The following DAZL variants were observed in gnomAD, a reference collection of about 807,000 sequenced individuals.
The protein encoded by DAZL is deleted in azoospermia like.
In DAZL, 4 loss-of-function variants were observed where a neutral mutation model predicts 45.0. The observed-to-expected ratio is 0.09, with a 90% CI of 0.04 to 0.20. DAZL has a LOEUF of 0.20. Among genes scored for constraint, DAZL ranks in the 10% least tolerant of loss-of-function variants. The pLI is 1.00. For synonymous variants in DAZL, 122 were observed against 112.4 expected (o/e 1.09, Z -0.54); for missense variants, 326 against 351.3 (o/e 0.93, Z 0.58).
At chr3:16,596,211 A>G (rs1694597644) in intron 6 of DAZL, among the ~76,000 whole-genome samples, 1 of 152,120 alleles carries the variant, frequency 6.6e-6, no homozygotes, top group South Asian at 2.1e-4. Flanking sequence ...ATTTACCACC[A>G]GTAAGTGATA....
At chr3:16,598,853 G>A (rs1417514508) in intron 1 of DAZL, among the ~76,000 whole-genome samples, 2 of 150,098 alleles carry the variant, frequency 1.3e-5, no homozygotes, top group East Asian at 2.0e-4. Flanking sequence ...GCGTGATCTC[G>A]GCTCACTGCA....
chr3:16,604,277 C>T (rs1057056723), intron 1 of DAZL, among the ~76,000 whole-genome samples: 3 of 152,106 alleles, frequency 2.0e-5, no homozygotes, highest in South Asian at 4.1e-4. Flanking sequence ...CTTGTGGTGG[C>T]GCTGAAGCAA....
At chr3:16,593,228 T>C (rs1489034927) in intron 9 of DAZL, among the ~76,000 whole-genome samples, 3 of 152,244 alleles carry the variant, frequency 2.0e-5, no homozygotes, top group Admixed American at 6.5e-5. Flanking sequence ...TTTTAAAAAT[T>C]AGTGGAACTG....
chr3:16,596,363 T>C (rs1694599511), intron 6 of DAZL, among the ~76,000 whole-genome samples: 1 of 152,062 alleles, frequency 6.6e-6, no homozygotes. Context: ...CAGCAATTTA[T>C]ATGAGGAGGC....
chr3:16,604,575 G>T, intron 1 of DAZL: 1 of 1,422,496 alleles, frequency 7.0e-7, no homozygotes, highest in Non-Finnish European at 9.1e-7. Context: ...CAGCTACAGG[G>T]CCATGCCTTC....
chr3:16,588,865 G>T, intron 10 of DAZL, 152 bp from the exon 11 acceptor site: 1 of 641,986 alleles, frequency 1.6e-6, no homozygotes, highest in South Asian at 1.7e-5. Flanking sequence ...AAGCATTCTT[G>T]AACACTGGGA....
At chr3:16,604,302 CAAACTCACAA>C (rs1694739680) in intron 1 of DAZL, 1 of 744,634 alleles carries the variant, frequency 1.3e-6, no homozygotes. Flanking sequence ...AGGCATTTAC[CAAACTCACAA>C]AAACGCACAC....
intron 3 of DAZL, 76 bp downstream of exon 3, chr3:16,598,011 A>C: frequency 7.5e-7 from 1 of 1,334,952 alleles, no homozygotes; most frequent in Non-Finnish European, 1.1e-6. Context: ...GTTAAGTGTC[A>C]GAATACCAAT....
Position 16,605,369 on chromosome 3 carries a change from C to A in DAZL, c.-164G>T, listed in dbSNP as rs535320863. The A allele has an allele frequency of 3.1e-5, 27 of 862,310 alleles. No individual in the cohort carries two copies. The East Asian group carries it at 6.7e-4, about 21-fold the overall frequency. The allele number at this position is 862,310 out of a possible 1,614,324, so 53.4% of individuals were successfully genotyped here. ...GAAAAGGAAAACCAAGAGCGGGTGA[C>A]AAGGCTGAGGAGCCCCGAAAGGCGG... On this transcript the variant is annotated 5_prime_UTR_variant, in exon 1 of 11. Transcript: ENST00000399444.
intron 4 of DAZL, 82 bp from the exon 5 acceptor site, chr3:16,597,133 A>G (rs1463060269): frequency 4.1e-5 from 58 of 1,430,542 alleles, no homozygotes; most frequent in Non-Finnish European, 5.0e-5. Context: ...AAAGTCTTCT[A>G]AAATTCCTAT....
chr3:16,589,801 G>A (rs147692614), intron 10 of DAZL, among the ~76,000 whole-genome samples: 2 of 151,916 alleles, frequency 1.3e-5, no homozygotes, highest in Admixed American at 6.6e-5. Context: ...GGTGGCTCAC[G>A]CCTGTAATCC....
At chr3:16,594,368 T>C (rs1425218019) in intron 8 of DAZL, among the ~76,000 whole-genome samples, 165 bp downstream of exon 8, 3 of 151,070 alleles carry the variant, frequency 2.0e-5, no homozygotes, top group Admixed American at 6.6e-5. Context: ...CCCATGGGAG[T>C]TTCTAACTGG....
At chr3:16,596,652 G>C in intron 6 of DAZL, 98 bp downstream of exon 6, 1 of 1,298,042 alleles carries the variant, frequency 7.7e-7, no homozygotes, top group Non-Finnish European at 1.1e-6. Flanking sequence ...ATTCAAACAG[G>C]GATGCCATTA....
chr3:16,596,680 T>G, intron 6 of DAZL, 70 bp downstream of exon 6: 9 of 1,531,258 alleles, frequency 5.9e-6, no homozygotes, highest in Non-Finnish European at 8.1e-6. Flanking sequence ...CTACAGAAAT[T>G]GGATGTAATT....
rs1187268122 is a variant in DAZL at position 16,588,693 on chromosome 3, A to G, written c.855T>C (p.Phe285=). The G allele has an allele frequency of 1.2e-6, 2 of 1,611,774 alleles. No individual in the cohort carries two copies. Among genetic ancestry groups the G allele is most frequent in the South Asian group, 1.1e-5 (1 of 91,022 alleles). Reference sequence around the variant, plus strand: ...ATTTAAGCATTGCCCGACTTCTTCTAAAGTGATGCACTCTTTTATCCTGGA... The same window carrying G: ...ATTTAAGCATTGCCCGACTTCTTCTGAAGTGATGCACTCTTTTATCCTGGA... ...DYFKDKRVHH[F]RRSRAMLKSV Residue 285 remains phenylalanine (F), a synonymous_variant, in exon 11 of 11, where the codon TTT becomes TTC. Coordinates refer to ENST00000399444, the MANE Select transcript of DAZL (RefSeq NM_001351.4).
chr3:16,604,641 T>C (rs1175833186), intron 1 of DAZL: 6 of 1,370,558 alleles, frequency 4.4e-6, no homozygotes, highest in Non-Finnish European at 5.6e-6. Context: ...CCCCACCAAG[T>C]ACAGGGACCA....
intron 2 of DAZL, 75 bp downstream of exon 2, chr3:16,598,377 T>G: frequency 6.3e-7 from 1 of 1,578,808 alleles, no homozygotes; most frequent in Admixed American, 1.7e-5. Context: ...CAAAAAAACC[T>G]TAAGTTTGTA....
intron 9 of DAZL, among the ~76,000 whole-genome samples, chr3:16,593,292 G>A (rs1423093414): frequency 6.6e-6 from 1 of 152,080 alleles, no homozygotes; most frequent in Non-Finnish European, 1.5e-5. Context: ...TTGAAAATTT[G>A]GGCTATCTGA....
At chr3:16,594,804 C>A (rs910397132) in intron 7 of DAZL, among the ~76,000 whole-genome samples, 3 of 152,000 alleles carry the variant, frequency 2.0e-5, no homozygotes, top group African/African-American at 7.2e-5. Context: ...CTGGAGTTGG[C>A]ATTGTGGAAA....
Sources: allele counts gnomAD v4.1 joint callset (sites outside exome capture counted in the v4.1 genomes callset), GRCh38; gene constraint gnomAD v4.1.1; transcripts MANE v1.5; gene names NCBI Gene and HGNC (gene_info 2026-07-23, HGNC 2026-07-21).